Variants in SLC22A15 observed in about 807,000 individuals in gnomAD.
SLC22A15 encodes solute carrier family 22 member 15.
In SLC22A15, 45 loss-of-function variants were observed where a neutral mutation model predicts 62.7. That is an observed-to-expected ratio of 0.72 (90% CI 0.56 to 0.92). The LOEUF is 0.92. SLC22A15 is among the 40% of genes least tolerant of loss of function. SLC22A15 has a pLI of 0.00. For synonymous variants in SLC22A15, 264 were observed against 267.0 expected, an observed-to-expected ratio of 0.99 and a Z score of 0.11; for missense variants, 622 against 665.6, an observed-to-expected ratio of 0.93 and a Z score of 0.72.
At chr1:115,989,230 C>G (rs1655031135) in intron 1 of SLC22A15, among the ~76,000 whole-genome samples, 1 of 152,018 alleles carries the variant, frequency 6.6e-6, no homozygotes, top group Admixed American at 6.6e-5. Context: ...AGTGCTTATT[C>G]TGCCTGCAGG....
At chr1:116,048,977 A>G (rs1049014185) in intron 8 of SLC22A15, among the ~76,000 whole-genome samples, 3 of 152,242 alleles carry the variant, frequency 2.0e-5, no homozygotes, top group Non-Finnish European at 4.4e-5. Context: ...AACAAACTAA[A>G]GCAACAGTGG....
intron 8 of SLC22A15, among the ~76,000 whole-genome samples, chr1:116,041,953 T>A (rs2101495790): frequency 6.6e-6 from 1 of 152,206 alleles, no homozygotes; most frequent in South Asian, 2.1e-4. Context: ...TGTTTGTTTG[T>A]TTGTTTGTTT....
chr1:115,995,710 C>A (rs949928251), intron 2 of SLC22A15, among the ~76,000 whole-genome samples: 18 of 152,248 alleles, frequency 1.2e-4, no homozygotes, highest in African/African-American at 4.3e-4. Context: ...ATCTTGGATT[C>A]CTATTCTTTT....
intron 2 of SLC22A15, among the ~76,000 whole-genome samples, chr1:116,010,461 G>A (rs766315276): frequency 6.6e-6 from 1 of 151,974 alleles, no homozygotes; most frequent in African/African-American, 2.4e-5. Flanking sequence ...GACTGTTATA[G>A]CCTGCAGACT....
chr1:116,026,839 A>G (rs1657117434), intron 4 of SLC22A15, 54 bp from the exon 5 acceptor site: 1 of 1,595,156 alleles, frequency 6.3e-7, no homozygotes, highest in Non-Finnish European at 8.6e-7. Context: ...GGGGTTGGAA[A>G]TGGTGCTGCA....
chr1:116,028,472 G>A (rs930981806), intron 5 of SLC22A15, among the ~76,000 whole-genome samples: 7 of 144,202 alleles, frequency 4.9e-5, no homozygotes, highest in South Asian at 2.2e-4. Flanking sequence ...TCATCTCCCC[G>A]TTAATAGTAT....
chr1:116,007,660 G>A (rs1656048497), intron 2 of SLC22A15, among the ~76,000 whole-genome samples: 1 of 152,132 alleles, frequency 6.6e-6, no homozygotes, highest in African/African-American at 2.4e-5. Context: ...CTCTGCCAGA[G>A]GCCTTCCATA....
chr1:116,051,768 G>A (rs530212496), intron 8 of SLC22A15, among the ~76,000 whole-genome samples: 46 of 152,292 alleles, frequency 3.0e-4, no homozygotes, highest in African/African-American at 1.0e-3. Flanking sequence ...GCAGCTGCTC[G>A]AGGTCCACAC....
intron 1 of SLC22A15, among the ~76,000 whole-genome samples, chr1:115,985,696 C>T (rs1654823216): frequency 6.6e-6 from 1 of 151,538 alleles, no homozygotes. Flanking sequence ...TGCCTGTAAT[C>T]CCAGCACTTT....
chr1:116,041,001 G>A (rs28630582), intron 8 of SLC22A15, among the ~76,000 whole-genome samples: 23,870 of 152,210 alleles, frequency 0.16, 2,322 homozygotes, highest in East Asian at 0.31. Context: ...TAACTCTTTA[G>A]TGTGCAGGCC....
intron 8 of SLC22A15, among the ~76,000 whole-genome samples, chr1:116,046,117 T>C (rs1249450662): frequency 6.6e-6 from 1 of 152,146 alleles, no homozygotes; most frequent in South Asian, 2.1e-4. Context: ...GTTGTTTAAC[T>C]GAAATGTAAA....
At position 116,067,143 on chromosome 1, in the gene SLC22A15, G is replaced by A. The variant is rs187656364; in HGVS notation, c.*35G>A. The A allele has an allele frequency of 3.5e-5, 54 of 1,530,442 alleles. No individual in the cohort carries two copies. The highest frequency in any genetic ancestry group is 1.7e-4 in the Middle Eastern group (1 of 5,922). 94.8% of individuals were successfully genotyped at this position (1,530,442 alleles called of 1,614,324 possible). A position where few individuals can be genotyped will look rare whatever the true frequency, so the allele number is the denominator to read the frequency against. On this transcript the variant is annotated 3_prime_UTR_variant, in exon 12 of 12. Transcript: ENST00000369503. ...GATTCCCCCTAAGAAGCAAAGGATC[G>A]TCTTTTATGCCTCTGGCTAAGGCAG...
intron 4 of SLC22A15, among the ~76,000 whole-genome samples, chr1:116,023,239 G>A (rs540797103): frequency 2.6e-5 from 4 of 152,272 alleles, no homozygotes; most frequent in Middle Eastern, 3.4e-3. Context: ...TGACCAGTTT[G>A]CATTGTAGTA....
chr1:116,060,287 A>T (rs572865279), intron 8 of SLC22A15, among the ~76,000 whole-genome samples: 1 of 152,234 alleles, frequency 6.6e-6, no homozygotes, highest in Non-Finnish European at 1.5e-5. Context: ...TGCAGACCCC[A>T]TTGGCAGGCA....
chr1:115,995,852 T>C (rs893225407), intron 2 of SLC22A15, among the ~76,000 whole-genome samples: 1 of 152,228 alleles, frequency 6.6e-6, no homozygotes, highest in South Asian at 2.1e-4. Flanking sequence ...TTTGAAATAA[T>C]TGTGGATTTG....
intron 1 of SLC22A15, among the ~76,000 whole-genome samples, chr1:115,987,580 A>G (rs182312998): frequency 6.6e-6 from 1 of 152,276 alleles, no homozygotes; most frequent in East Asian, 1.9e-4. Context: ...ACCAACAAAT[A>G]TTTATTGAAT....
intron 5 of SLC22A15, among the ~76,000 whole-genome samples, chr1:116,029,865 A>G (rs1331751697): frequency 1.3e-5 from 2 of 152,108 alleles, no homozygotes; most frequent in African/African-American, 4.8e-5. Context: ...ATTCCTCCCA[A>G]TCCTCCCCAA....
chr1:116,031,742 C>T, intron 6 of SLC22A15, 161 bp downstream of exon 6: 1 of 1,439,810 alleles, frequency 6.9e-7, no homozygotes, highest in Non-Finnish European at 9.1e-7. Context: ...GCCTGGTTTT[C>T]TGCTTGCGCA....
chr1:116,026,890 T>C lies in SLC22A15; in HGVS notation c.599-3T>C. On this transcript the variant is annotated splice_polypyrimidine_tract_variant and splice_region_variant and intron_variant, in intron 4 of 11. Transcript: ENST00000369503. The stretch of plus-strand genomic sequence containing the variant: ...AGTGACAGTTCTCTTTTCCCTGAAT[T>C]AGGATCGATTGGCGGCCTGTTCTTT... 2 of 1,612,596 alleles carry C rather than the reference T, an allele frequency of 1.2e-6. No homozygotes were observed. Among genetic ancestry groups the C allele is most frequent in the Non-Finnish European group, 1.7e-6 (2 of 1,179,716 alleles).
Sources: allele counts gnomAD v4.1 joint callset (sites outside exome capture counted in the v4.1 genomes callset), GRCh38; gene constraint gnomAD v4.1.1; transcripts MANE v1.5; gene names NCBI Gene and HGNC (gene_info 2026-07-23, HGNC 2026-07-21).